The following NPAS3 variants were observed in gnomAD, a reference collection of about 807,000 sequenced individuals.
NPAS3 encodes the protein neuronal PAS domain-containing protein 3.
In NPAS3, 14 loss-of-function variants were observed where a neutral mutation model predicts 73.1. The observed-to-expected ratio is 0.19, with a 90% confidence interval of 0.13 to 0.30. NPAS3 has a LOEUF of 0.30. Ranked by LOEUF, NPAS3 falls within the 10% of genes least tolerant of loss-of-function variation. The probability of loss-of-function intolerance (pLI) is 1.00; values close to 1 mark genes in which losing one functional copy is unlikely to be tolerated. For synonymous variants in NPAS3, 620 were observed against 541.5 expected, an observed-to-expected ratio of 1.14 and a Z score of -2.01; for missense variants, 1,096 against 1,250.0, an observed-to-expected ratio of 0.88 and a Z score of 1.86.
chr14:33,597,025 G>A (rs2057262845), intron 5 of NPAS3, among the ~76,000 whole-genome samples: 1 of 152,156 alleles, frequency 6.6e-6, no homozygotes, highest in South Asian at 2.1e-4. Context: ...GGTGGGACTG[G>A]ATTTCTGCAG....
At chr14:33,643,645 A>G (rs1376148889) in intron 5 of NPAS3, among the ~76,000 whole-genome samples, 1 of 152,192 alleles carries the variant, frequency 6.6e-6, no homozygotes, top group African/African-American at 2.4e-5. Context: ...GAATTTTCTG[A>G]GACAATCTGA....
At chr14:33,642,628 T>C (rs747439437) in intron 5 of NPAS3, among the ~76,000 whole-genome samples, 5 of 152,218 alleles carry the variant, frequency 3.3e-5, no homozygotes, top group Non-Finnish European at 7.3e-5. Flanking sequence ...GGAAAATAAA[T>C]GCAATTTTAG....
intron 4 of NPAS3, among the ~76,000 whole-genome samples, chr14:33,559,026 T>C (rs575561064): frequency 6.6e-6 from 1 of 152,356 alleles, no homozygotes; most frequent in Admixed American, 6.5e-5. Flanking sequence ...TCAGTTTGAA[T>C]GCTGTATTGC....
intron 3 of NPAS3, among the ~76,000 whole-genome samples, chr14:33,247,037 AAGAG>A (rs1361138144): frequency 6.6e-6 from 1 of 151,704 alleles, no homozygotes; most frequent in African/African-American, 2.4e-5. Context: ...ACAAACAAAA[AAGAG>A]AAAGAAAGAA....
At position 33,215,442 on chromosome 14, in the gene NPAS3, C is replaced by T. The variant is rs775192475; in HGVS notation, c.385+16C>T. 4.3e-6 allele frequency: 7 copies of T among 1,613,354 alleles called. No homozygotes were observed. Among genetic ancestry groups the T allele is most frequent in the Non-Finnish European group, 5.9e-6 (7 of 1,179,652 alleles). ...TCAGTAAAAGGTAAGTTTTAGGTCA[C>T]TGTTCAGTCTGAATATGATGGTCTG... On this transcript the variant is annotated intron_variant, in intron 3 of 11. Transcript: ENST00000356141.
At chr14:33,029,632 G>A (rs2039923210) in intron 1 of NPAS3, among the ~76,000 whole-genome samples, 1 of 152,164 alleles carries the variant, frequency 6.6e-6, no homozygotes, top group Non-Finnish European at 1.5e-5. Context: ...CAACACTGTG[G>A]CACATGGTCC....
intron 6 of NPAS3, among the ~76,000 whole-genome samples, chr14:33,695,033 A>G (rs1040040079): frequency 7.2e-5 from 11 of 152,134 alleles, no homozygotes; most frequent in African/African-American, 2.4e-4. Flanking sequence ...CCACCACATC[A>G]GTTCTGGCCA....
intron 2 of NPAS3, among the ~76,000 whole-genome samples, chr14:33,078,173 A>G (rs964618397): frequency 2.0e-5 from 3 of 152,116 alleles, no homozygotes; most frequent in Non-Finnish European, 2.9e-5. Context: ...ATAAAAATAA[A>G]AAAAAGAAAA....
At chr14:33,288,514 C>A (rs926361321) in intron 3 of NPAS3, among the ~76,000 whole-genome samples, 2 of 151,998 alleles carry the variant, frequency 1.3e-5, no homozygotes, top group African/African-American at 4.8e-5. Context: ...TTCTATACAA[C>A]CACATGCATT....
intron 8 of NPAS3, among the ~76,000 whole-genome samples, chr14:33,778,162 C>T (rs946963590): frequency 6.6e-6 from 1 of 152,148 alleles, no homozygotes; most frequent in Non-Finnish European, 1.5e-5. Flanking sequence ...TGCATTGTTA[C>T]TGATTCTCAA....
intron 6 of NPAS3, among the ~76,000 whole-genome samples, chr14:33,728,045 G>T (rs1595511592): frequency 1.3e-5 from 2 of 152,282 alleles, no homozygotes; most frequent in African/African-American, 4.8e-5. Context: ...AACACCCACT[G>T]GTAGCAGCTT....
chr14:33,203,735 G>A (rs2046712274), intron 2 of NPAS3, among the ~76,000 whole-genome samples: 1 of 152,152 alleles, frequency 6.6e-6, no homozygotes, highest in Non-Finnish European at 1.5e-5. Flanking sequence ...TTGGACATTT[G>A]GGTTGGTTCC....
intron 3 of NPAS3, among the ~76,000 whole-genome samples, chr14:33,241,049 AC>A (rs1401996302): frequency 5.3e-5 from 8 of 151,912 alleles, no homozygotes. Context: ...ATTAGAGTTT[AC>A]CATAGCTCTA....
intron 7 of NPAS3, among the ~76,000 whole-genome samples, chr14:33,769,182 A>G (rs1319276771): frequency 6.6e-6 from 1 of 152,178 alleles, no homozygotes; most frequent in Non-Finnish European, 1.5e-5. Context: ...TCCTTTGGCA[A>G]TTCTATTGAA....
chr14:33,301,322 A>ATATATATATATATATATATT (rs557118171), intron 3 of NPAS3, among the ~76,000 whole-genome samples: 3 of 99,690 alleles, frequency 3.0e-5, no homozygotes, highest in African/African-American at 4.3e-5. Flanking sequence ...ATATATATAT[A>ATATATATATATATATATATT]TTTTTTTTTT....
At chr14:33,683,894 C>A (rs977085646) in intron 6 of NPAS3, among the ~76,000 whole-genome samples, 18 of 152,200 alleles carry the variant, frequency 1.2e-4, no homozygotes, top group Admixed American at 2.6e-4. Context: ...TTGGTGTATG[C>A]AGAGCACAGA....
intron 2 of NPAS3, among the ~76,000 whole-genome samples, chr14:33,065,044 A>G (rs2041231729): frequency 6.6e-6 from 1 of 152,124 alleles, no homozygotes; most frequent in African/African-American, 2.4e-5. Context: ...TGGTGTTGAA[A>G]TTCAGGATTT....
At chr14:33,059,534 A>G (rs2041015989) in intron 2 of NPAS3, among the ~76,000 whole-genome samples, 1 of 152,156 alleles carries the variant, frequency 6.6e-6, no homozygotes, top group South Asian at 2.1e-4. Context: ...AAATTGTATC[A>G]TTTTAAGTTA....
chr14:33,229,352 G>A (rs983701748), intron 3 of NPAS3, among the ~76,000 whole-genome samples: 1 of 152,194 alleles, frequency 6.6e-6, no homozygotes, highest in African/African-American at 2.4e-5. Flanking sequence ...TATGTAGTTT[G>A]TAGAAAATCC....
Sources: allele counts gnomAD v4.1 joint callset (sites outside exome capture counted in the v4.1 genomes callset), GRCh38; gene constraint gnomAD v4.1.1; transcripts MANE v1.5; gene names NCBI Gene and HGNC (gene_info 2026-07-23, HGNC 2026-07-21).